PDE3B: variants seen among roughly 807,000 people sequenced by gnomAD.
PDE3B encodes phosphodiesterase 3B.
PDE3B carries 66 observed loss-of-function variants against 116.8 expected under a neutral mutation model. That is an observed-to-expected ratio of 0.56 (90% CI 0.46 to 0.69). The LOEUF (loss-of-function observed/expected upper bound fraction) is 0.69, where lower values mean the gene tolerates loss of function less well. PDE3B is among the 30% of genes least tolerant of loss of function. The pLI is 0.00. For synonymous variants in PDE3B, 595 were observed against 533.6 expected (o/e 1.12, Z -1.59); for missense variants, 1,384 against 1,368.1 (o/e 1.01, Z -0.18).
intron 1 of PDE3B, among the ~76,000 whole-genome samples, chr11:14,740,433 G>T (rs1469591038): frequency 1.3e-5 from 2 of 152,058 alleles, no homozygotes; most frequent in African/African-American, 2.4e-5. Flanking sequence ...TATTTCCATG[G>T]GATCAGGGGT....
At chr11:14,885,909 A>G in the PDE3B span, 1 of 1,613,460 alleles carries the variant, frequency 6.2e-7, no homozygotes. Context: ...CAAGATCTAA[A>G]CTGAAGATCT....
At chr11:14,717,511 A>G (rs1855942180) in intron 1 of PDE3B, among the ~76,000 whole-genome samples, 1 of 59,720 alleles carries the variant, frequency 1.7e-5, no homozygotes, top group Non-Finnish European at 3.1e-5. Flanking sequence ...TGTTAAGGGC[A>G]GCCAGAGAGA....
the PDE3B span, chr11:14,878,376 T>C: frequency 2.1e-5 from 28 of 1,349,412 alleles, no homozygotes; most frequent in African/African-American, 3.8e-4. Flanking sequence ...TTGGATGTCA[T>C]TCAGGAAATC....
intron 1 of PDE3B, among the ~76,000 whole-genome samples, chr11:14,752,058 G>C (rs576863169): frequency 6.6e-6 from 1 of 152,266 alleles, no homozygotes; most frequent in African/African-American, 2.4e-5. Flanking sequence ...TGTGACATGG[G>C]TTATCAGTGG....
chr11:14,679,674 T>C (rs1565088619), intron 1 of PDE3B, among the ~76,000 whole-genome samples: 2 of 151,882 alleles, frequency 1.3e-5, no homozygotes, highest in Non-Finnish European at 2.9e-5. Flanking sequence ...TTTCTGCTTG[T>C]GGTTCCTGAT....
intron 2 of PDE3B, among the ~76,000 whole-genome samples, chr11:14,780,084 G>T (rs1445653182): frequency 6.6e-6 from 1 of 151,938 alleles, no homozygotes; most frequent in African/African-American, 2.4e-5. Context: ...TTATATAATG[G>T]TAAAGGGATC....
In PDE3B at chr11:14,859,029, A is replaced by G. The variant is rs782381871; in HGVS notation, c.2521-14A>G. 2.0e-5 allele frequency: 32 copies of G among 1,579,190 alleles called. No individual in the cohort carries two copies. The highest frequency in any genetic ancestry group is 2.7e-5 in the African/African-American group (2 of 73,840). Reference sequence around the variant, plus strand: ...TTTGAGGTGTCTGCCTCATTTTTCTATATTTCTTTTTAGGCAGTTTTATAC... The same window carrying G: ...TTTGAGGTGTCTGCCTCATTTTTCTGTATTTCTTTTTAGGCAGTTTTATAC... On this transcript the variant is annotated splice_polypyrimidine_tract_variant and intron_variant, in intron 12 of 15. Transcript: ENST00000282096.
chr11:14,890,286 G>T, the PDE3B span: 1 of 195,616 alleles, frequency 5.1e-6, no homozygotes, highest in Non-Finnish European at 9.2e-6. Context: ...CTAGTCTTAT[G>T]CTTTCACATT....
chr11:14,778,578 A>T (rs766497289), intron 2 of PDE3B, among the ~76,000 whole-genome samples: 22 of 152,100 alleles, frequency 1.4e-4, no homozygotes, highest in Non-Finnish European at 2.5e-4. Flanking sequence ...CCTCCAGCAA[A>T]CTCCAACAGA....
intron 1 of PDE3B, among the ~76,000 whole-genome samples, chr11:14,747,351 T>C (rs1856937704): frequency 6.6e-6 from 1 of 152,170 alleles, no homozygotes; most frequent in African/African-American, 2.4e-5. Context: ...AATCATAGTA[T>C]TGTAAAGCCC....
In PDE3B at chr11:14,658,543, A is replaced by G. The variant is rs561858295; in HGVS notation, c.978+13490A>G. Among the ~76,000 whole-genome samples the G allele has an allele frequency of 2.0e-5, 3 of 152,082 alleles. No homozygotes were observed. In the East Asian group the frequency reaches 5.8e-4, roughly 29 times the overall value. ...GCTAATTTTTGTATTTTTAGTAGAGACGGGGGTTTTGCCATGTTGGCCAGG... is the reference window on the plus strand; with the variant it reads ...GCTAATTTTTGTATTTTTAGTAGAGGCGGGGGTTTTGCCATGTTGGCCAGG... On this transcript the variant is annotated intron_variant, in intron 1 of 15. Transcript: ENST00000282096.
At chr11:14,657,721 A>G (rs1304756388) in intron 1 of PDE3B, among the ~76,000 whole-genome samples, 1 of 152,242 alleles carries the variant, frequency 6.6e-6, no homozygotes, top group African/African-American at 2.4e-5. Flanking sequence ...AAAGAATCAC[A>G]TAATGTCATT....
intron 1 of PDE3B, among the ~76,000 whole-genome samples, chr11:14,665,270 A>T (rs1854094426): frequency 6.6e-6 from 1 of 152,156 alleles, no homozygotes; most frequent in Non-Finnish European, 1.5e-5. Flanking sequence ...ACATATCTCA[A>T]AATAATAAGA....
Position 14,717,699 on chromosome 11 carries a change from A to C in PDE3B, c.979-54238A>C, listed in dbSNP as rs527391862. ...TTCATAAGTGAAGGAGAAATAAAAT[A>C]CTTTACAGACAAGCAAATGCTGAGA... is the stretch of plus-strand genomic sequence containing the variant. On this transcript the variant is annotated intron_variant, in intron 1 of 15. Transcript: ENST00000282096. 3.7e-4 allele frequency among the ~76,000 whole-genome samples: 49 copies of C among 132,530 alleles called. No individual in the cohort carries two copies. The East Asian group carries it at 6.3e-3, about 17-fold the overall frequency. 86.9% of individuals were successfully genotyped at this position (132,530 alleles called of 152,430 possible).
chr11:14,664,361 A>T (rs973670104), intron 1 of PDE3B, among the ~76,000 whole-genome samples: 3 of 152,184 alleles, frequency 2.0e-5, no homozygotes, highest in African/African-American at 4.8e-5. Flanking sequence ...AAAGAACTAG[A>T]AAAGCAAGAG....
chr11:14,757,502 G>C (rs1857225112), intron 1 of PDE3B, among the ~76,000 whole-genome samples: 1 of 150,854 alleles, frequency 6.6e-6, no homozygotes, highest in Admixed American at 6.6e-5. Context: ...ATTCTAACTG[G>C]TGTGAGATGG....
intron 10 of PDE3B, among the ~76,000 whole-genome samples, chr11:14,833,795 T>TATTA (rs1859972874): frequency 6.6e-6 from 1 of 152,194 alleles, no homozygotes; most frequent in Non-Finnish European, 1.5e-5. Flanking sequence ...TAAGATGAGT[T>TATTA]ACATATACTA....
At chr11:14,782,210 A>G (rs1056372778) in intron 2 of PDE3B, among the ~76,000 whole-genome samples, 2 of 152,226 alleles carry the variant, frequency 1.3e-5, no homozygotes, top group Non-Finnish European at 2.9e-5. Context: ...ATTCAATGCC[A>G]TCCCCAACAA....
chr11:14,771,385 A>G (rs1857638656), intron 1 of PDE3B, among the ~76,000 whole-genome samples: 1 of 151,774 alleles, frequency 6.6e-6, no homozygotes, highest in Non-Finnish European at 1.5e-5. Context: ...TAAAGTTACC[A>G]TTGATAAGCT....
Sources: allele counts gnomAD v4.1 joint callset (sites outside exome capture counted in the v4.1 genomes callset), GRCh38; gene constraint gnomAD v4.1.1; transcripts MANE v1.5; gene names NCBI Gene and HGNC (gene_info 2026-07-23, HGNC 2026-07-21).